Variants in MAP4K5 observed in about 807,000 individuals in gnomAD.
MAP4K5 encodes MAPK/ERK kinase kinase kinase 5.
MAP4K5 carries 82 observed loss-of-function variants against 135.6 expected under a neutral mutation model. The observed-to-expected ratio is 0.60, with a 90% CI of 0.51 to 0.73. The LOEUF is 0.73. Ranked by LOEUF, MAP4K5 falls within the 30% of genes least tolerant of loss-of-function variation. MAP4K5 has a pLI of 0.00. For synonymous variants in MAP4K5, 347 were observed against 335.0 expected (o/e 1.04, Z -0.39); for missense variants, 907 against 1,010.9 (o/e 0.90, Z 1.39).
chr14:50,534,957 T>C (rs2038474055), upstream of MAP4K5, among the ~76,000 whole-genome samples: 1 of 152,250 alleles, frequency 6.6e-6, no homozygotes, highest in Non-Finnish European at 1.5e-5. Context: ...TATGTAATAA[T>C]ATGTTAGTTA....
chr14:50,518,467 C>T (rs1178692107), intron 2 of MAP4K5, among the ~76,000 whole-genome samples: 1 of 152,136 alleles, frequency 6.6e-6, no homozygotes, highest in African/African-American at 2.4e-5. Flanking sequence ...CTGTTCAACT[C>T]CCACTTATAA....
chr14:50,502,843 T>C (rs1296239692), intron 3 of MAP4K5, among the ~76,000 whole-genome samples: 1 of 152,084 alleles, frequency 6.6e-6, no homozygotes, highest in African/African-American at 2.4e-5. Context: ...TCTATAGTAA[T>C]GGCTTTGGGA....
chr14:50,487,153 C>T (rs888727265), intron 3 of MAP4K5, among the ~76,000 whole-genome samples: 5 of 152,188 alleles, frequency 3.3e-5, no homozygotes, highest in Non-Finnish European at 5.9e-5. Flanking sequence ...TAGTTTCATA[C>T]AAAAATTAGC....
chr14:50,479,845 G>GGGACCC (rs2139896885), intron 6 of MAP4K5, among the ~76,000 whole-genome samples: 1 of 152,210 alleles, frequency 6.6e-6, no homozygotes, highest in East Asian at 1.9e-4. Context: ...TAACTGGCTT[G>GGGACCC]GGACCCCACC....
intron 1 of MAP4K5, among the ~76,000 whole-genome samples, chr14:50,542,850 A>G (rs957155042): frequency 6.6e-6 from 1 of 152,228 alleles, no homozygotes; most frequent in Non-Finnish European, 1.5e-5. Flanking sequence ...ATAACTTTGA[A>G]CAATACATCT....
intron 2 of MAP4K5, among the ~76,000 whole-genome samples, chr14:50,541,883 T>G (rs2038565607): frequency 6.6e-6 from 1 of 151,306 alleles, no homozygotes; most frequent in African/African-American, 2.4e-5. Context: ...GGCGAGTGCC[T>G]GTAGTCCCAG....
At chr14:50,497,979 A>G (rs1262702443) in intron 3 of MAP4K5, among the ~76,000 whole-genome samples, 1 of 152,194 alleles carries the variant, frequency 6.6e-6, no homozygotes, top group African/African-American at 2.4e-5. Flanking sequence ...TAGTTTTGCC[A>G]TAAAAGAGGG....
At chr14:50,512,951 A>C (rs2037960117) in intron 2 of MAP4K5, among the ~76,000 whole-genome samples, 1 of 152,196 alleles carries the variant, frequency 6.6e-6, no homozygotes, top group Admixed American at 6.5e-5. Flanking sequence ...GCAACTACAC[A>C]AAAAAGATCT....
At chr14:50,542,693 A>G (rs897178404) in intron 1 of MAP4K5, 1 of 151,992 alleles carries the variant, frequency 6.6e-6, no homozygotes, top group African/African-American at 2.4e-5. Context: ...ATAGCCATTT[A>G]GCAGGGGAAG....
chr14:50,530,834 T>G (rs2038370413), intron 2 of MAP4K5, among the ~76,000 whole-genome samples: 1 of 130,704 alleles, frequency 7.7e-6, no homozygotes, highest in African/African-American at 2.7e-5. Flanking sequence ...GGCTGTTTGA[T>G]AATACCACTA....
At chr14:50,532,784 G>A, upstream of MAP4K5, 1 of 152,946 alleles carries the variant, frequency 6.5e-6, no homozygotes. Flanking sequence ...CAGGGCCTGG[G>A]CTGTCTCCCT....
chr14:50,503,907 T>C (rs2140013721), intron 3 of MAP4K5, among the ~76,000 whole-genome samples: 1 of 152,046 alleles, frequency 6.6e-6, no homozygotes, highest in East Asian at 1.9e-4. Context: ...CTATTTGTGT[T>C]AGTGACATTT....
chr14:50,431,718 T>C (rs997182335), intron 28 of MAP4K5, among the ~76,000 whole-genome samples: 3 of 151,750 alleles, frequency 2.0e-5, no homozygotes, highest in African/African-American at 7.3e-5. Context: ...AACATACATG[T>C]GCATGTGTCT....
chr14:50,428,382 A>C (rs1431081226), intron 30 of MAP4K5, among the ~76,000 whole-genome samples: 1 of 152,046 alleles, frequency 6.6e-6, no homozygotes, highest in African/African-American at 2.4e-5. Flanking sequence ...CAGCCTCCCA[A>C]GTAGTTGGGA....
chr14:50,499,337 A>C (rs567064230), intron 3 of MAP4K5, among the ~76,000 whole-genome samples: 1 of 152,148 alleles, frequency 6.6e-6, no homozygotes, highest in Non-Finnish European at 1.5e-5. Context: ...AGAACTAATA[A>C]AAACATTGGA....
chr14:50,475,963 G>T (rs2139874952), intron 8 of MAP4K5, among the ~76,000 whole-genome samples, 165 bp downstream of exon 8: 1 of 152,214 alleles, frequency 6.6e-6, no homozygotes, highest in African/African-American at 2.4e-5. Context: ...TCCTTAAAAT[G>T]AGTTTTGGGA....
intron 2 of MAP4K5, among the ~76,000 whole-genome samples, chr14:50,539,501 A>C: frequency 6.6e-6 from 1 of 152,344 alleles, no homozygotes; most frequent in South Asian, 2.1e-4. Flanking sequence ...GGGCCTGACT[A>C]TAAAGGCTTT....
chr14:50,432,593 C>G (rs1314466897), intron 28 of MAP4K5, among the ~76,000 whole-genome samples: 1 of 147,368 alleles, frequency 6.8e-6, no homozygotes, highest in Non-Finnish European at 1.5e-5. Flanking sequence ...AACGCAAACT[C>G]AAACATACCC....
At chr14:50,524,933 T>G (rs2140103937) in intron 2 of MAP4K5, among the ~76,000 whole-genome samples, 1 of 152,350 alleles carries the variant, frequency 6.6e-6, no homozygotes, top group Middle Eastern at 3.4e-3. Context: ...CAGCTGATGA[T>G]AGAGATCATC....
Sources: gnomAD v4.1 joint callset for allele counts (sites outside exome capture counted in the v4.1 genomes callset) on GRCh38, gnomAD v4.1.1 for gene constraint, MANE v1.5 for transcripts, NCBI Gene and HGNC (gene_info 2026-07-23, HGNC 2026-07-21) for gene names.